PRKN: variants seen among roughly 807,000 people sequenced by gnomAD.
PRKN encodes E3 ubiquitin-protein ligase parkin.
In PRKN, 56 loss-of-function variants were observed where a neutral mutation model predicts 59.5. The ratio of observed to expected loss-of-function variants is 0.94; its 90% CI spans 0.76 to 1.18. The LOEUF is 1.18. Among genes scored for constraint, PRKN ranks in the 50% most tolerant of loss-of-function variants. The pLI, the probability that PRKN is intolerant of heterozygous loss-of-function variation, is 0.00. For missense variants in PRKN, 657 were observed against 596.4 expected, an observed-to-expected ratio of 1.10 and a Z score of -1.06; for synonymous variants, 250 against 222.1, an observed-to-expected ratio of 1.13 and a Z score of -1.12.
At chr6:161,987,295 A>T (rs543082900) in intron 5 of PRKN, among the ~76,000 whole-genome samples, 21 of 152,354 alleles carry the variant, frequency 1.4e-4, no homozygotes, top group African/African-American at 5.0e-4. Flanking sequence ...TTCTTTTAAC[A>T]TGCCAGTACA....
chr6:161,840,402 G>A (rs567652047), intron 6 of PRKN, among the ~76,000 whole-genome samples: 9 of 152,326 alleles, frequency 5.9e-5, no homozygotes, highest in South Asian at 4.2e-4. Flanking sequence ...AAGCCATCTC[G>A]AAGATTGCCA....
At chr6:161,844,538 G>A (rs1793119738) in intron 6 of PRKN, among the ~76,000 whole-genome samples, 1 of 152,226 alleles carries the variant, frequency 6.6e-6, no homozygotes, top group African/African-American at 2.4e-5. Flanking sequence ...GCTACTGGCT[G>A]CATGTGGCTG....
chr6:161,997,116 G>A (rs868130057), intron 5 of PRKN, among the ~76,000 whole-genome samples: 7 of 152,080 alleles, frequency 4.6e-5, no homozygotes, highest in African/African-American at 1.7e-4. Flanking sequence ...TAGCACATTC[G>A]ACGCAACGTG....
intron 5 of PRKN, among the ~76,000 whole-genome samples, chr6:161,976,182 G>A (rs1781025047): frequency 6.6e-6 from 1 of 152,164 alleles, no homozygotes; most frequent in South Asian, 2.1e-4. Flanking sequence ...TGGGATTACA[G>A]GTGTGAGCCA....
At chr6:161,623,699 C>G (rs1476951002) in intron 7 of PRKN, among the ~76,000 whole-genome samples, 1 of 152,202 alleles carries the variant, frequency 6.6e-6, no homozygotes, top group Admixed American at 6.5e-5. Context: ...TACTCTCTAA[C>G]ACCCATTATT....
At chr6:162,498,549 G>A (rs1356954482) in intron 1 of PRKN, among the ~76,000 whole-genome samples, 11 of 146,978 alleles carry the variant, frequency 7.5e-5, no homozygotes, top group African/African-American at 2.3e-4. Flanking sequence ...GGGTTCAAGC[G>A]ATTGTCCTGC....
chr6:161,748,353 G>A (rs574247879), intron 7 of PRKN, among the ~76,000 whole-genome samples: 13 of 144,308 alleles, frequency 9.0e-5, no homozygotes, highest in East Asian at 4.0e-4. Context: ...ACTCTCTTAC[G>A]TTTTTTTTTT....
intron 4 of PRKN, among the ~76,000 whole-genome samples, chr6:162,063,783 G>T (rs545411339): frequency 3.0e-4 from 46 of 152,308 alleles, no homozygotes; most frequent in African/African-American, 5.3e-4. Context: ...GACCTCAAAA[G>T]ATCCGCCTGC....
intron 9 of PRKN, among the ~76,000 whole-genome samples, chr6:161,495,037 A>G (rs1315980831): frequency 6.6e-6 from 1 of 152,256 alleles, no homozygotes; most frequent in Non-Finnish European, 1.5e-5. Context: ...ACTTTAGGAA[A>G]GCAAAAAGAA....
chr6:161,756,058 G>A (rs758948492), intron 7 of PRKN, among the ~76,000 whole-genome samples: 4 of 152,090 alleles, frequency 2.6e-5, no homozygotes, highest in African/African-American at 4.8e-5. Flanking sequence ...TAATGAGTCC[G>A]ATTAAAGGCA....
At chr6:162,727,544 C>T (rs1779332691) in intron 1 of PRKN, 118 bp downstream of exon 1, 2 of 1,179,752 alleles carry the variant, frequency 1.7e-6, no homozygotes, top group Non-Finnish European at 1.2e-6. Context: ...GGCACGGGCA[C>T]TTTGGCCCCG....
At chr6:161,601,507 T>G (rs1782101298) in intron 7 of PRKN, among the ~76,000 whole-genome samples, 1 of 152,218 alleles carries the variant, frequency 6.6e-6, no homozygotes, top group African/African-American at 2.4e-5. Context: ...TTTAAGTATT[T>G]GGTAGAATTC....
intron 1 of PRKN, among the ~76,000 whole-genome samples, chr6:162,539,812 A>C (rs1160055342): frequency 6.6e-6 from 1 of 152,224 alleles, no homozygotes; most frequent in Non-Finnish European, 1.5e-5. Flanking sequence ...AAAGATTATA[A>C]AGACACATGC....
Position 161,409,048 on chromosome 6 carries a change from C to T in PRKN, c.1084-22171G>A, listed in dbSNP as rs1433242776. 1.3e-5 allele frequency among the ~76,000 whole-genome samples: 2 copies of T among 152,080 alleles called. No individual in the cohort carries two copies. Among genetic ancestry groups the T allele is most frequent in the Admixed American group, 6.5e-5 (1 of 15,276 alleles). ...GCAACCTCTGCCTCCTGGGTTCAAGCGATTCTCCTGCCTCAGCCTCCCAAG... is the reference window on the plus strand; with the variant it reads ...GCAACCTCTGCCTCCTGGGTTCAAGTGATTCTCCTGCCTCAGCCTCCCAAG... On this transcript the variant is annotated intron_variant, in intron 9 of 11. Transcript: ENST00000366898. This position sits in a 1 kb window ranked among gnomAD's most constrained non-coding sequence, Gnocchi z 4.6.
chr6:162,522,662 G>A (rs988282130), intron 1 of PRKN, among the ~76,000 whole-genome samples: 2 of 152,126 alleles, frequency 1.3e-5, no homozygotes, highest in Non-Finnish European at 2.9e-5. Context: ...GAGCTATTAG[G>A]TGAGACACAC....
At chr6:161,917,774 T>C (rs1778625664) in intron 6 of PRKN, among the ~76,000 whole-genome samples, 1 of 152,244 alleles carries the variant, frequency 6.6e-6, no homozygotes, top group East Asian at 1.9e-4. Context: ...ATTTAGTTTT[T>C]CAATTTGCCT....
At chr6:161,709,056 T>C (rs1444801826) in intron 7 of PRKN, among the ~76,000 whole-genome samples, 2 of 152,216 alleles carry the variant, frequency 1.3e-5, no homozygotes, top group Non-Finnish European at 2.9e-5. Flanking sequence ...CTACTTAACT[T>C]TAAAGAGTTA....
chr6:161,719,832 A>G (rs1787145370), intron 7 of PRKN, among the ~76,000 whole-genome samples: 1 of 152,192 alleles, frequency 6.6e-6, no homozygotes, highest in Admixed American at 6.5e-5. Flanking sequence ...GTTTCTCGCT[A>G]TGGTGCCCAA....
At position 161,363,150 on chromosome 6, in the gene PRKN, G is replaced by A. The variant is rs1190997962; in HGVS notation, c.1168-2945C>T. On this transcript the variant is annotated intron_variant, in intron 10 of 11. Transcript: ENST00000366898. This position sits in a 1 kb window ranked among gnomAD's most constrained non-coding sequence, Gnocchi z 4.1. Reference sequence around the variant, plus strand: ...CCAGGTACTTGGGAGGCTGAGGCAGGAGAAGTACCTGAACCTGGGGGGCAG... The same window carrying A: ...CCAGGTACTTGGGAGGCTGAGGCAGAAGAAGTACCTGAACCTGGGGGGCAG... 6.6e-6 allele frequency among the ~76,000 whole-genome samples: 1 copy of A among 152,164 alleles called. No homozygotes were observed. The highest frequency in any genetic ancestry group is 2.4e-5 in the African/African-American group (1 of 41,424).
Sources: allele counts gnomAD v4.1 joint callset (sites outside exome capture counted in the v4.1 genomes callset), GRCh38; gene constraint gnomAD v4.1.1; non-coding constraint Gnocchi (gnomAD v3.1); transcripts MANE v1.5; gene names NCBI Gene and HGNC (gene_info 2026-07-23, HGNC 2026-07-21).